Variants in PACRG observed in about 807,000 individuals in gnomAD.
PACRG encodes parkin coregulated gene protein.
Under a neutral mutation model 29.7 loss-of-function variants are expected in PACRG, and 29 were observed. That is an observed-to-expected ratio of 0.98 (90% confidence interval 0.73 to 1.33). The LOEUF is 1.33. PACRG is among the 40% of genes most tolerant of loss of function. The pLI is 0.00. For missense variants in PACRG, 279 were observed against 316.2 expected, an observed-to-expected ratio of 0.88 and a Z score of 0.89; for synonymous variants, 116 against 118.7, an observed-to-expected ratio of 0.98 and a Z score of 0.15.
chr6:162,989,886 C>T (rs1026037376), intron 2 of PACRG, among the ~76,000 whole-genome samples: 8 of 152,014 alleles, frequency 5.3e-5, no homozygotes, highest in African/African-American at 1.2e-4. Flanking sequence ...TATCCCTCCC[C>T]GCTCCCCCGA....
chr6:163,018,540 T>C (rs112300139), intron 2 of PACRG, among the ~76,000 whole-genome samples: 2 of 152,212 alleles, frequency 1.3e-5, no homozygotes, highest in African/African-American at 2.4e-5. Context: ...AAATTTTTTT[T>C]CCTCAAGTTG....
chr6:162,756,002 G>GA (rs1184392661), intron 1 of PACRG, among the ~76,000 whole-genome samples: 1 of 151,664 alleles, frequency 6.6e-6, no homozygotes, highest in Non-Finnish European at 1.5e-5. Flanking sequence ...ATTGTGATCT[G>GA]AAAAAAATAC....
chr6:163,268,632 T>C (rs1783625829), intron 4 of PACRG, among the ~76,000 whole-genome samples: 1 of 152,194 alleles, frequency 6.6e-6, no homozygotes, highest in African/African-American at 2.4e-5. Flanking sequence ...TTTTTCCAAT[T>C]GTTTTATGGT....
At chr6:163,233,101 G>A (rs1289168538) in intron 4 of PACRG, among the ~76,000 whole-genome samples, 1 of 152,230 alleles carries the variant, frequency 6.6e-6, no homozygotes, top group East Asian at 1.9e-4. Context: ...TACAGAACAC[G>A]CTCAGCAGGA....
At chr6:162,968,894 A>G (rs1048730515) in intron 2 of PACRG, among the ~76,000 whole-genome samples, 1 of 151,938 alleles carries the variant, frequency 6.6e-6, no homozygotes, top group Non-Finnish European at 1.5e-5. Flanking sequence ...TAAAAATACA[A>G]AAATTAGCTG....
At chr6:163,123,566 G>A (rs755717550) in intron 4 of PACRG, among the ~76,000 whole-genome samples, 9 of 152,038 alleles carry the variant, frequency 5.9e-5, no homozygotes, top group Admixed American at 2.6e-4. Context: ...ATACCTTATC[G>A]TTAACTCTAG....
intron 4 of PACRG, among the ~76,000 whole-genome samples, chr6:163,123,954 C>T (rs958932151): frequency 6.6e-6 from 1 of 152,216 alleles, no homozygotes. Flanking sequence ...CATGGGAGTG[C>T]AGATGTTTCT....
rs1434971460 is a variant in PACRG at position 162,764,934 on chromosome 6, C to T, written c.156+36543C>T. Among the ~76,000 whole-genome samples the T allele has an allele frequency of 3.3e-5, 5 of 151,848 alleles. No homozygotes were observed. The South Asian group carries it at 6.2e-4, about 19-fold the overall frequency. On this transcript the variant is annotated intron_variant, in intron 1 of 4. Transcript: ENST00000366888. Reference sequence around the variant, plus strand: ...ATTTTTTTTGTATTTTTAGTAGAGACGGGGTTTCACCATGTTGGTCAGGCT... The same window carrying T: ...ATTTTTTTTGTATTTTTAGTAGAGATGGGGTTTCACCATGTTGGTCAGGCT...
chr6:162,888,017 C>T (rs1307844646), intron 2 of PACRG, among the ~76,000 whole-genome samples: 1 of 152,170 alleles, frequency 6.6e-6, no homozygotes, highest in African/African-American at 2.4e-5. Flanking sequence ...GGGCTACTCT[C>T]CGCTTCCAAA....
At chr6:162,727,333 G>GGGCGAAGGTGAGGGGCGGCGGCGC, upstream of PACRG, 1 of 391,838 alleles carries the variant, frequency 2.6e-6, no homozygotes, top group East Asian at 4.8e-5. Flanking sequence ...GGCGGCGGCG[G>GGGCGAAGGTGAGGGGCGGCGGCGC]GGAGAAGGCT....
intron 4 of PACRG, among the ~76,000 whole-genome samples, chr6:163,196,400 G>A (rs1780454653): frequency 6.6e-6 from 1 of 152,222 alleles, no homozygotes; most frequent in African/African-American, 2.4e-5. Context: ...GGGCTACTGG[G>A]AGCCTTACCT....
intron 2 of PACRG, among the ~76,000 whole-genome samples, chr6:162,851,551 G>A (rs1790863028): frequency 6.6e-6 from 1 of 152,042 alleles, no homozygotes; most frequent in South Asian, 2.1e-4. Flanking sequence ...TCTGTTAATT[G>A]TATCCAGCCA....
chr6:163,159,864 G>A (rs1225382472), intron 4 of PACRG, among the ~76,000 whole-genome samples: 3 of 151,914 alleles, frequency 2.0e-5, no homozygotes, highest in Non-Finnish European at 4.4e-5. Flanking sequence ...CCTCCCCTTC[G>A]GTGGCCCCGA....
At chr6:162,989,697 G>GC (rs1173045187) in intron 2 of PACRG, among the ~76,000 whole-genome samples, 2 of 150,610 alleles carry the variant, frequency 1.3e-5, no homozygotes, top group African/African-American at 4.9e-5. Flanking sequence ...CGCAGATATG[G>GC]AGGGCTGACT....
chr6:162,999,383 G>A (rs147531127), intron 2 of PACRG, among the ~76,000 whole-genome samples: 145 of 152,290 alleles, frequency 9.5e-4, no homozygotes, highest in Admixed American at 2.5e-3. Context: ...TTCAGCACCT[G>A]TTATGTGCAA....
intron 4 of PACRG, among the ~76,000 whole-genome samples, chr6:163,099,821 C>A (rs889466909): frequency 6.6e-6 from 1 of 152,174 alleles, no homozygotes; most frequent in African/African-American, 2.4e-5. Flanking sequence ...CGGAACCCCT[C>A]GCAGGGGTGG....
chr6:163,041,064 G>A (rs934168603), intron 2 of PACRG, among the ~76,000 whole-genome samples: 3 of 152,116 alleles, frequency 2.0e-5, no homozygotes, highest in African/African-American at 7.2e-5. Context: ...TCAGCCGGGT[G>A]CAGTGGCTCA....
At chr6:163,212,314 A>C (rs1347690434) in intron 4 of PACRG, among the ~76,000 whole-genome samples, 1 of 152,118 alleles carries the variant, frequency 6.6e-6, no homozygotes, top group Non-Finnish European at 1.5e-5. Context: ...GTTCACTGTG[A>C]GGGCCCGGGA....
chr6:162,745,003 C>T (rs1174768834), intron 1 of PACRG, among the ~76,000 whole-genome samples: 1 of 151,848 alleles, frequency 6.6e-6, no homozygotes, highest in Non-Finnish European at 1.5e-5. Context: ...TCCTTTTGGG[C>T]CCAGCATTCT....
Sources: gnomAD v4.1 joint callset for allele counts (sites outside exome capture counted in the v4.1 genomes callset) on GRCh38, gnomAD v4.1.1 for gene constraint, MANE v1.5 for transcripts, NCBI Gene and HGNC (gene_info 2026-07-23, HGNC 2026-07-21) for gene names.